THEMIS: variants seen among roughly 807,000 people sequenced by gnomAD.
THEMIS encodes the protein protein THEMIS.
A neutral mutation model predicts 52.6 loss-of-function variants in THEMIS; 37 were observed. The ratio of observed to expected loss-of-function variants is 0.70; its 90% CI spans 0.54 to 0.93. The LOEUF (loss-of-function observed/expected upper bound fraction) is 0.93. THEMIS is among the 40% of genes least tolerant of loss of function. THEMIS has a pLI of 0.00. For synonymous variants in THEMIS, 292 were observed against 272.7 expected, an observed-to-expected ratio of 1.07 and a Z score of -0.70; for missense variants, 808 against 763.1, an observed-to-expected ratio of 1.06 and a Z score of -0.69.
chr6:127,915,917 G>C (rs1181494524), intron 1 of THEMIS, among the ~76,000 whole-genome samples: 2 of 152,148 alleles, frequency 1.3e-5, no homozygotes, highest in African/African-American at 4.8e-5. Flanking sequence ...AACTCAGGAG[G>C]CAGAGGTTGC....
intron 4 of THEMIS, among the ~76,000 whole-genome samples, chr6:127,730,311 GAAAA>G (rs1562219834): frequency 8.3e-6 from 1 of 119,800 alleles, no homozygotes; most frequent in East Asian, 2.5e-4. Context: ...GAAAAGAAAA[GAAAA>G]GAGAAAAAAA....
chr6:127,865,763 C>T (rs529706879), intron 1 of THEMIS, among the ~76,000 whole-genome samples: 1 of 152,082 alleles, frequency 6.6e-6, no homozygotes, highest in Non-Finnish European at 1.5e-5. Flanking sequence ...TTTAACTATA[C>T]TGTAATTCAT....
At chr6:127,716,593 T>G (rs1439100766) in intron 5 of THEMIS, among the ~76,000 whole-genome samples, 1 of 151,892 alleles carries the variant, frequency 6.6e-6, no homozygotes, top group African/African-American at 2.4e-5. Flanking sequence ...GTATCATGAT[T>G]CAATTTTTCC....
intron 2 of THEMIS, among the ~76,000 whole-genome samples, chr6:127,848,423 C>A (rs1050906977): frequency 8.6e-5 from 13 of 151,924 alleles, no homozygotes; most frequent in Non-Finnish European, 1.6e-4. Context: ...GATTTATAAT[C>A]CTTTGGGTAT....
rs530837940 is a variant in THEMIS at position 127,840,741 on chromosome 6, C to G, written c.251-10807G>C. The stretch of plus-strand genomic sequence containing the variant: ...GGTGAATGGATAAACTGTGGTACAT[C>G]CAGACAATGAAATATTACTCAGCAC... On this transcript the variant is annotated intron_variant, in intron 2 of 5. Coordinates refer to ENST00000368248, the MANE Select transcript of THEMIS (RefSeq NM_001010923.3). Among the ~76,000 whole-genome samples the G allele has an allele frequency of 9.9e-5, 15 of 152,032 alleles. 1 individual carries two copies. The highest frequency in any genetic ancestry group is 5.2e-4 in the Admixed American group (8 of 15,242).
chr6:127,704,063 T>C (rs1409723173), downstream of THEMIS, among the ~76,000 whole-genome samples: 1 of 152,202 alleles, frequency 6.6e-6, no homozygotes, highest in Non-Finnish European at 1.5e-5. Context: ...AGAGCCATCA[T>C]GACTTAATTA....
chr6:127,852,096 A>G (rs901451931), intron 2 of THEMIS, among the ~76,000 whole-genome samples: 22 of 151,636 alleles, frequency 1.5e-4, no homozygotes. Context: ...GAGTGACTAT[A>G]CTAATACCAG....
chr6:127,787,892 G>GAT (rs1259391523), intron 4 of THEMIS, among the ~76,000 whole-genome samples: 2 of 141,584 alleles, frequency 1.4e-5, no homozygotes, highest in African/African-American at 5.5e-5. Flanking sequence ...TAGATAGATA[G>GAT]ATAGATAGAT....
chr6:127,812,114 C>A (rs1777928189), intron 4 of THEMIS, among the ~76,000 whole-genome samples: 1 of 151,998 alleles, frequency 6.6e-6, no homozygotes, highest in Non-Finnish European at 1.5e-5. Flanking sequence ...CCACACACCA[C>A]AGAACCACGT....
chr6:127,806,547 G>A (rs1012357459), intron 4 of THEMIS, among the ~76,000 whole-genome samples: 1 of 152,120 alleles, frequency 6.6e-6, no homozygotes, highest in Non-Finnish European at 1.5e-5. Context: ...ATGCCATAAT[G>A]AAAACCATGT....
At chr6:127,711,995 C>T (rs1773999142) in intron 5 of THEMIS, among the ~76,000 whole-genome samples, 1 of 151,748 alleles carries the variant, frequency 6.6e-6, no homozygotes, top group South Asian at 2.1e-4. Context: ...GAGGAAATAC[C>T]AAATGAAATA....
chr6:127,826,025 G>A (rs1342675296), intron 3 of THEMIS, among the ~76,000 whole-genome samples: 3 of 152,260 alleles, frequency 2.0e-5, no homozygotes. Flanking sequence ...GAGAATATAG[G>A]GAAGGGGAAG....
At chr6:127,779,145 G>C (rs570397489) in intron 4 of THEMIS, among the ~76,000 whole-genome samples, 1 of 152,212 alleles carries the variant, frequency 6.6e-6, no homozygotes, top group Admixed American at 6.5e-5. Context: ...TAGTTACTGA[G>C]CACATTCAGG....
rs140865531 is a variant in THEMIS at position 127,767,994 on chromosome 6, C to A, written c.1758+44889G>T. On this transcript the variant is annotated intron_variant, in intron 4 of 5. Transcript: ENST00000368248. ...TTATGGGGCATGTTGACTATTTGTT[C>A]CGTGGGTCTGATACAGTCTTTCATG... is the stretch of plus-strand genomic sequence containing the variant. Among the ~76,000 whole-genome samples the A allele has an allele frequency of 7.7e-3, 1,164 of 152,140 alleles. 13 individuals are homozygous for A. Among genetic ancestry groups the A allele is most frequent in the African/African-American group, 0.027 (1,109 of 41,502 alleles).
chr6:127,876,333 A>G (rs979684398), intron 1 of THEMIS, among the ~76,000 whole-genome samples: 4 of 152,216 alleles, frequency 2.6e-5, no homozygotes, highest in African/African-American at 4.8e-5. Flanking sequence ...GTGCTGGGGT[A>G]TTAGGAGAAT....
At chr6:127,800,283 T>G (rs1480827046) in intron 4 of THEMIS, among the ~76,000 whole-genome samples, 2 of 152,126 alleles carry the variant, frequency 1.3e-5, no homozygotes, top group Non-Finnish European at 2.9e-5. Context: ...ATTTCCTTTG[T>G]TCCTTATATT....
chr6:127,851,574 A>G (rs1779426568), intron 2 of THEMIS, among the ~76,000 whole-genome samples: 1 of 151,816 alleles, frequency 6.6e-6, no homozygotes, highest in Non-Finnish European at 1.5e-5. Flanking sequence ...CTGATAGCAA[A>G]CAAGCATATG....
In THEMIS at chr6:127,844,799, G is replaced by A. The variant is rs114335070; in HGVS notation, c.250+10231C>T. On this transcript the variant is annotated intron_variant, in intron 2 of 5. Coordinates refer to ENST00000368248, the MANE Select transcript of THEMIS (RefSeq NM_001010923.3). ...TATGGAGATAATGTAATCAACTACCGAATAGGATATATTTTTGTTGCTTTT... is the reference window on the plus strand; with the variant it reads ...TATGGAGATAATGTAATCAACTACCAAATAGGATATATTTTTGTTGCTTTT... Among the ~76,000 whole-genome samples the A allele has an allele frequency of 3.9e-3, 585 of 151,924 alleles. 4 individuals carry two copies. The highest frequency in any genetic ancestry group is 0.013 in the African/African-American group (543 of 41,504).
intron 3 of THEMIS, among the ~76,000 whole-genome samples, chr6:127,818,187 C>G (rs146058535): frequency 1.3e-5 from 2 of 152,186 alleles, no homozygotes; most frequent in Non-Finnish European, 2.9e-5. Context: ...CAAGCCTCCA[C>G]TAGCCATTCT....
Sources: allele counts gnomAD v4.1 joint callset (sites outside exome capture counted in the v4.1 genomes callset), GRCh38; gene constraint gnomAD v4.1.1; transcripts MANE v1.5; gene names NCBI Gene and HGNC (gene_info 2026-07-23, HGNC 2026-07-21).